Variants in STUM observed in about 807,000 individuals in gnomAD.
The protein encoded by STUM is stum, mechanosensory transduction mediator homolog, also known as protein stum homolog.
In STUM, 8 loss-of-function variants were observed where a neutral mutation model predicts 15.3. The ratio of observed to expected loss-of-function variants is 0.52; its 90% CI spans 0.31 to 0.94. The LOEUF is 0.94. Among genes scored for constraint, STUM ranks in the 40% least tolerant of loss-of-function variants. The pLI, the probability that STUM is intolerant of heterozygous loss-of-function variation, is 0.05. For synonymous variants in STUM, 78 were observed against 88.7 expected (o/e 0.88, Z 0.68); for missense variants, 142 against 204.9 (o/e 0.69, Z 1.87).
intron 1 of STUM, among the ~76,000 whole-genome samples, chr1:226,562,429 A>G (rs1220783021): frequency 6.6e-6 from 1 of 151,590 alleles, no homozygotes; most frequent in Non-Finnish European, 1.5e-5. Flanking sequence ...AGATTGTGCC[A>G]CTGCACGCCC....
chr1:226,553,715 T>C (rs1344146942), intron 1 of STUM, among the ~76,000 whole-genome samples: 1 of 152,252 alleles, frequency 6.6e-6, no homozygotes, highest in East Asian at 1.9e-4. Context: ...GGGTCTGTCA[T>C]TGGAACAGTG....
intron 1 of STUM, among the ~76,000 whole-genome samples, chr1:226,588,337 G>A (rs529877594): frequency 6.6e-6 from 1 of 152,330 alleles, no homozygotes; most frequent in Non-Finnish European, 1.5e-5. Flanking sequence ...ACCTAGTGTG[G>A]TCTTCTTGTG....
intron 1 of STUM, among the ~76,000 whole-genome samples, chr1:226,583,035 G>T (rs756894602): frequency 6.6e-6 from 1 of 152,198 alleles, no homozygotes; most frequent in African/African-American, 2.4e-5. Context: ...GCGGCCATCC[G>T]CATGTGGTGT....
At chr1:226,577,381 C>A (rs1450886505) in intron 1 of STUM, among the ~76,000 whole-genome samples, 1 of 152,136 alleles carries the variant, frequency 6.6e-6, no homozygotes, top group African/African-American at 2.4e-5. Flanking sequence ...ACCCAGAAAT[C>A]TAGTACAGCT....
intron 2 of STUM, among the ~76,000 whole-genome samples, chr1:226,597,942 G>A (rs976334873): frequency 9.2e-5 from 14 of 152,228 alleles, no homozygotes; most frequent in African/African-American, 3.1e-4. Flanking sequence ...ACCAGAGGCT[G>A]AGCAGTGAGC....
rs1400729876 is a variant in STUM at position 226,552,384 on chromosome 1, G to A, written c.202+3278G>A. On this transcript the variant is annotated intron_variant, in intron 1 of 3. Transcript: ENST00000366788. This position sits in a 1 kb window ranked among gnomAD's most constrained non-coding sequence, Gnocchi z 4.7. ...TGAAACTCTACTAATAAAGACCACC[G>A]TTGGTACCTTCATGTTCCAACAATT... 6.6e-6 allele frequency among the ~76,000 whole-genome samples: 1 copy of A among 152,158 alleles called. No individual in the cohort carries two copies. The highest frequency in any genetic ancestry group is 1.5e-5 in the Non-Finnish European group (1 of 68,038).
chr1:226,595,899 T>C (rs1244882520), intron 1 of STUM, among the ~76,000 whole-genome samples: 1 of 152,218 alleles, frequency 6.6e-6, no homozygotes, highest in Non-Finnish European at 1.5e-5. Flanking sequence ...CCTCCAGAAC[T>C]ATAAAAGAAT....
In STUM at chr1:226,600,948, C is replaced by A. The variant is rs1367083297; in HGVS notation, c.391+274C>A. Among the ~76,000 whole-genome samples the A allele has an allele frequency of 6.6e-6, 1 of 152,162 alleles. No homozygotes were observed. The highest frequency in any genetic ancestry group is 1.5e-5 in the Non-Finnish European group (1 of 68,040). ...CTGTCATTCGCCACATCTCCCCTAC[C>A]CCAGCATGGGTTATTAGCACCCAAA... On this transcript the variant is annotated intron_variant, in intron 3 of 3. Transcript: ENST00000366788. The surrounding 1 kb of genome is among the most constrained non-coding windows in gnomAD (Gnocchi z 5.2).
At chr1:226,585,857 T>C (rs1331323700) in intron 1 of STUM, among the ~76,000 whole-genome samples, 2 of 152,182 alleles carry the variant, frequency 1.3e-5, no homozygotes, top group African/African-American at 4.8e-5. Context: ...AAGAATACCA[T>C]AGACAGGGTA....
At chr1:226,579,139 G>A (rs1240406029) in intron 1 of STUM, among the ~76,000 whole-genome samples, 11 of 152,260 alleles carry the variant, frequency 7.2e-5, no homozygotes, top group South Asian at 6.2e-4. Context: ...CTGTGAAGCC[G>A]GCTATGTGCG....
chr1:226,572,206 C>G (rs1047329702), intron 1 of STUM, among the ~76,000 whole-genome samples: 2 of 152,240 alleles, frequency 1.3e-5, no homozygotes, highest in Non-Finnish European at 2.9e-5. Context: ...GAGGGGCATT[C>G]ACAGCACAGG....
intron 1 of STUM, among the ~76,000 whole-genome samples, chr1:226,586,603 A>C (rs1668002292): frequency 6.6e-6 from 1 of 152,120 alleles, no homozygotes; most frequent in Non-Finnish European, 1.5e-5. Flanking sequence ...TTTGGGTCTC[A>C]TCATGTTGTA....
chr1:226,557,997 A>C (rs780135083), intron 1 of STUM, among the ~76,000 whole-genome samples: 1 of 152,222 alleles, frequency 6.6e-6, no homozygotes, highest in Non-Finnish European at 1.5e-5. Context: ...TAACACAATA[A>C]AGGCCATATA....
intron 1 of STUM, among the ~76,000 whole-genome samples, chr1:226,595,157 G>T (rs890205765): frequency 2.0e-5 from 3 of 152,364 alleles, no homozygotes; most frequent in African/African-American, 7.2e-5. Context: ...GTCCCCAGGG[G>T]GCCGCTGGTG....
intron 1 of STUM, among the ~76,000 whole-genome samples, chr1:226,583,949 A>G (rs1667956644): frequency 6.6e-6 from 1 of 152,108 alleles, no homozygotes; most frequent in Admixed American, 6.5e-5. Context: ...TTGCCCAGTG[A>G]CACTCTTGTT....
rs1667333346 is a variant in STUM, at chr1:226,549,401, T to C, written c.202+295T>C. On this transcript the variant is annotated intron_variant, in intron 1 of 3. Coordinates refer to ENST00000366788, the MANE Select transcript of STUM (RefSeq NM_001003665.4). The surrounding 1 kb of genome is among the most constrained non-coding windows in gnomAD (Gnocchi z 6.8). The stretch of plus-strand genomic sequence containing the variant: ...CGGCGGCCGGAATGGCTCTGCCGGC[T>C]TCGGAGTAGGGCTCCCGTCCCGGCG... Among the ~76,000 whole-genome samples the C allele has an allele frequency of 6.6e-6, 1 of 152,162 alleles. No individual in the cohort carries two copies. Among genetic ancestry groups the C allele is most frequent in the Non-Finnish European group, 1.5e-5 (1 of 68,022 alleles).
intron 1 of STUM, among the ~76,000 whole-genome samples, chr1:226,553,742 G>A (rs1317510461): frequency 1.3e-5 from 2 of 152,230 alleles, no homozygotes; most frequent in Non-Finnish European, 2.9e-5. Flanking sequence ...GATATGGACT[G>A]TTTGGCTCTG....
chr1:226,602,258 G>A lies in STUM; in HGVS notation c.*218G>A. On this transcript the variant is annotated 3_prime_UTR_variant, in exon 4 of 4. Transcript: ENST00000366788. The stretch of plus-strand genomic sequence containing the variant: ...CCTCCTGCTCTGGAAAGCACTGTGG[G>A]CGCAGGCACCAGAGCATCAGAGAGT... The A allele has an allele frequency of 1.8e-6, 1 of 566,712 alleles. No homozygotes were observed. The highest frequency in any genetic ancestry group is 2.2e-5 in the South Asian group (1 of 46,432). The allele number at this position is 566,712 out of a possible 1,614,324, so 35.1% of individuals were successfully genotyped here.
intron 2 of STUM, among the ~76,000 whole-genome samples, chr1:226,598,328 C>T (rs1668215285): frequency 6.6e-6 from 1 of 152,166 alleles, no homozygotes; most frequent in Admixed American, 6.5e-5. Flanking sequence ...TGAAGGCTGC[C>T]CAATTTGTGC....
Sources: allele counts gnomAD v4.1 joint callset (sites outside exome capture counted in the v4.1 genomes callset), GRCh38; gene constraint gnomAD v4.1.1; non-coding constraint Gnocchi (gnomAD v3.1); transcripts MANE v1.5; gene names NCBI Gene and HGNC (gene_info 2026-07-23, HGNC 2026-07-21).